PCNT: variants seen among roughly 807,000 people sequenced by gnomAD.
PCNT encodes pericentrin.
In PCNT, 319 loss-of-function variants were observed where a neutral mutation model predicts 380.4. The observed-to-expected ratio is 0.84, with a 90% CI of 0.77 to 0.92. The LOEUF is 0.92. PCNT is among the 40% of genes least tolerant of loss of function. PCNT has a pLI of 0.00. For missense variants in PCNT, 4,400 were observed against 4,255.3 expected, an observed-to-expected ratio of 1.03 and a Z score of -0.95; for synonymous variants, 1,845 against 1,735.2, an observed-to-expected ratio of 1.06 and a Z score of -1.57.
At position 46,366,845 on chromosome 21, in the gene PCNT, C is replaced by T. The variant is rs768614697; in HGVS notation, c.2871C>T (p.Leu957=). Residue 957 remains leucine (L), a synonymous_variant, in exon 15 of 47, where the codon CTC becomes CTT. Transcript: ENST00000359568. ...AELQTKHAAD[L]GALETRHLSS... is the part of the protein sequence containing the mutation. ...TGCAGACAAAACACGCTGCCGACCT[C>T]GGCGCTCTGGAGACCAGACATCTGT... 37 of 1,613,888 alleles carry T rather than the reference C, an allele frequency of 2.3e-5. No homozygotes were observed. In the South Asian group the frequency reaches 2.6e-4, roughly 11 times the overall value.
At chr21:46,360,455 C>A (rs1196986962) in intron 13 of PCNT, among the ~76,000 whole-genome samples, 1 of 147,546 alleles carries the variant, frequency 6.8e-6, no homozygotes, top group African/African-American at 2.5e-5. Flanking sequence ...GATCTCCTGA[C>A]CTCGTGATCC....
rs368505053 is a variant in PCNT, at chr21:46,425,919, C to G, written c.7268C>G (p.Pro2423Arg). 128 of 1,613,930 alleles carry G rather than the reference C, an allele frequency of 7.9e-5. No individual in the cohort carries two copies. The highest frequency in any genetic ancestry group is 1.0e-4 in the Non-Finnish European group (118 of 1,180,028). ...LAPPSGEPHPPRKEDEIQDIS... is the reference protein window; with the variant it reads ...LAPPSGEPHPRRKEDEIQDIS... ...CCCCCAAGCGGCGAGCCACACCCAC[C>G]CCGGAAGGAAGACGAGATACAGGAC... The change falls in exon 33 of 47, where the codon CCC (proline) becomes CGC (arginine). Residue 2423 changes from proline (P) to arginine (R), a missense_variant. Pro to Arg is a moderately radical substitution (Grantham distance 103, BLOSUM62 -2). Coordinates refer to ENST00000359568, the MANE Select transcript of PCNT (RefSeq NM_006031.6). The surrounding 1 kb of genome is among the most constrained non-coding windows in gnomAD (Gnocchi z 4.2).
At chr21:46,392,852 C>T (rs1433286182) in intron 21 of PCNT, among the ~76,000 whole-genome samples, 3 of 152,206 alleles carry the variant, frequency 2.0e-5, no homozygotes, top group Non-Finnish European at 4.4e-5. Context: ...GAAGGATTAG[C>T]CTGGTGTTTT....
chr21:46,357,875 G>A (rs1487436699), intron 13 of PCNT, among the ~76,000 whole-genome samples: 5 of 152,246 alleles, frequency 3.3e-5, no homozygotes, highest in African/African-American at 4.8e-5. Context: ...GGCTCTTCCT[G>A]TGCTGTTTTG....
At chr21:46,439,040 C>G (rs1267953977) in intron 41 of PCNT, among the ~76,000 whole-genome samples, 1 of 150,654 alleles carries the variant, frequency 6.6e-6, no homozygotes, top group Admixed American at 6.6e-5. Flanking sequence ...ATTTTTTTTT[C>G]TTTTGTATTT....
intron 27 of PCNT, among the ~76,000 whole-genome samples, chr21:46,404,443 T>C (rs2086564329): frequency 6.6e-6 from 1 of 152,210 alleles, no homozygotes. Context: ...ATAGTGCGTG[T>C]GAACGAGCAG....
intron 1 of PCNT, among the ~76,000 whole-genome samples, chr21:46,325,462 G>C (rs28665476): frequency 6.6e-6 from 1 of 152,180 alleles, no homozygotes; most frequent in Non-Finnish European, 1.5e-5. Context: ...GCTATATCCC[G>C]ACATGGATAG....
chr21:46,442,587 T>TCAACAGCA lies in PCNT; in HGVS notation c.9700+14_9700+15insCAACAGCA. 1.3e-6 allele frequency: 2 copies of TCAACAGCA among 1,519,764 alleles called. No homozygotes were observed. Among genetic ancestry groups the TCAACAGCA allele is most frequent in the Non-Finnish European group, 1.8e-6 (2 of 1,093,860 alleles). 94.1% of individuals were successfully genotyped at this position (1,519,764 alleles called of 1,614,324 possible). ...CCCCTCGCCCAGGTGGGACTCCAGC[T>TCAACAGCA]GCTGTTGACCGCTGGACTCACAAAC... is the stretch of plus-strand genomic sequence containing the variant. On this transcript the variant is annotated intron_variant, in intron 44 of 46. Coordinates refer to ENST00000359568, the MANE Select transcript of PCNT (RefSeq NM_006031.6).
chr21:46,353,240 G>A lies in PCNT; in HGVS notation c.1593G>A (p.Glu531=), dbSNP rs767430243. Residue 531 remains glutamate, a synonymous_variant, in exon 10 of 47, where the codon GAG becomes GAA. Transcript: ENST00000359568. Reference sequence around the variant, plus strand: ...TTGAAAAGAAGTTAAGGGATGCTGAGAAAACTTACCAAGAAGACCTAACCC... The same window carrying A: ...TTGAAAAGAAGTTAAGGGATGCTGAAAAAACTTACCAAGAAGACCTAACCC... The part of the protein sequence containing the change: ...IYFEKKLRDA[E]KTYQEDLTLL... 9.9e-6 allele frequency: 16 copies of A among 1,614,054 alleles called. No homozygotes were observed. In the Admixed American group the frequency reaches 1.5e-4, roughly 15 times the overall value.
chr21:46,378,659 T>C (rs536178961), intron 15 of PCNT, among the ~76,000 whole-genome samples: 12 of 152,340 alleles, frequency 7.9e-5, no homozygotes, highest in African/African-American at 2.9e-4. Flanking sequence ...CAAAATGACG[T>C]TGAACACAAG....
chr21:46,357,725 G>A lies in PCNT; in HGVS notation c.2154+534G>A, dbSNP rs186680023. On this transcript the variant is annotated intron_variant, in intron 13 of 46. Transcript: ENST00000359568. ...ATTACAGGTGTGAGCCACCACGCCC[G>A]GCCCTCTGAGTCAAGATTTCTTAGG... Among the ~76,000 whole-genome samples the A allele has an allele frequency of 6.9e-3, 1,045 of 152,264 alleles. 8 individuals carry two copies. The highest frequency in any genetic ancestry group is 0.023 in the African/African-American group (953 of 41,550).
chr21:46,369,451 G>A (rs1442906127), intron 15 of PCNT, among the ~76,000 whole-genome samples: 2 of 152,232 alleles, frequency 1.3e-5, no homozygotes, highest in Admixed American at 6.5e-5. Flanking sequence ...ATGCTGCTGG[G>A]AGCTGCCCTC....
At chr21:46,409,108 A>C (rs971541481) in intron 27 of PCNT, among the ~76,000 whole-genome samples, 2 of 150,592 alleles carry the variant, frequency 1.3e-5, no homozygotes, top group Non-Finnish European at 1.5e-5. Flanking sequence ...TTTTTGATAC[A>C]TGATTTGCAG....
At position 46,349,809 on chromosome 21, in the gene PCNT, A is replaced by T; in HGVS notation, c.1333A>T (p.Lys445Ter). 1 of 1,614,206 alleles carries T rather than the reference A, an allele frequency of 6.2e-7. No individual in the cohort carries two copies. Among genetic ancestry groups the T allele is most frequent in the Non-Finnish European group, 8.5e-7 (1 of 1,180,012 alleles). ...EFKFKESEKE[K>*]QLELENLQAS... ...CAAGTTCAAAGAGAGCGAGAAAGAA[A>T]AACAGCTGGAGGTGGGCAGCAGCTT... Residue 445 changes from lysine (K) to a stop codon, truncating the protein, a stop_gained, in exon 8 of 47, where the codon AAA becomes TAA. Coordinates refer to ENST00000359568, the MANE Select transcript of PCNT (RefSeq NM_006031.6). LOFTEE classifies it high-confidence loss of function.
In PCNT at chr21:46,334,634, C is replaced by G. The variant is rs748260212; in HGVS notation, c.505C>G (p.Arg169Gly). The change falls in exon 3 of 47, where the codon CGT becomes GGT. Residue 169 changes from arginine to glycine, a missense_variant. Physicochemically the swap from Arg to Gly is moderately radical, Grantham distance 125. Coordinates refer to ENST00000359568, the MANE Select transcript of PCNT (RefSeq NM_006031.6). ...AGTCAGTGACCACCCACCAGAACAG[C>G]GTGGGATGTTCACAATCAGTGACCA... ...FTVSDHPPEQ[R>G]GMFTISDHQP... The G allele has an allele frequency of 6.2e-7, 1 of 1,604,928 alleles. No individual in the cohort carries two copies. The highest frequency in any genetic ancestry group is 8.5e-7 in the Non-Finnish European group (1 of 1,174,708).
rs193261408 is a variant in PCNT at position 46,397,435 on chromosome 21, C to T, written c.4387C>T (p.Leu1463=). ...CAKQAEAVTA[L]EQQVASLDKH... is the part of the protein sequence containing the mutation. ...CAAGCAGGCGGAGGCCGTCACTGCC[C>T]TGGAACAGCAGGTGGCATCTCTGGA... The change falls in exon 22 of 47, where the codon CTG becomes TTG. Residue 1463 remains leucine, a synonymous_variant. Coordinates refer to ENST00000359568, the MANE Select transcript of PCNT (RefSeq NM_006031.6). The T allele has an allele frequency of 1.2e-6, 2 of 1,614,196 alleles. No individual in the cohort carries two copies. The highest frequency in any genetic ancestry group is 2.2e-5 in the South Asian group (2 of 91,086).
intron 1 of PCNT, among the ~76,000 whole-genome samples, chr21:46,325,988 G>A (rs2083383528): frequency 6.6e-6 from 1 of 152,160 alleles, no homozygotes; most frequent in African/African-American, 2.4e-5. Flanking sequence ...TTCTTCAGTT[G>A]GGGGAAAATT....
intron 16 of PCNT, among the ~76,000 whole-genome samples, chr21:46,384,294 G>A (rs1441291243): frequency 1.4e-5 from 2 of 147,802 alleles, no homozygotes; most frequent in Non-Finnish European, 3.0e-5. Context: ...TCACAGTGCT[G>A]TGCATTCAGT....
intron 21 of PCNT, among the ~76,000 whole-genome samples, chr21:46,391,791 AT>A (rs557845154): frequency 6.6e-6 from 1 of 152,224 alleles, no homozygotes; most frequent in Non-Finnish European, 1.5e-5. Context: ...ATCTTTTCAG[AT>A]TTTTAGATAT....
Sources: gnomAD v4.1 joint callset for allele counts (sites outside exome capture counted in the v4.1 genomes callset) on GRCh38, gnomAD v4.1.1 for gene constraint, Gnocchi (gnomAD v3.1) non-coding constraint, MANE v1.5 for transcripts, NCBI Gene and HGNC (gene_info 2026-07-23, HGNC 2026-07-21) for gene names.